HERC1: variants seen among roughly 807,000 people sequenced by gnomAD.
HERC1 encodes HECT and RLD domain containing E3 ubiquitin protein ligase family member 1.
HERC1 carries 160 observed loss-of-function variants against 554.3 expected under a neutral mutation model. That is an observed-to-expected ratio of 0.29 (90% CI 0.25 to 0.33). The LOEUF (loss-of-function observed/expected upper bound fraction) is 0.33. Ranked by LOEUF, HERC1 falls within the 10% of genes least tolerant of loss-of-function variation. HERC1 has a pLI of 1.00. For synonymous variants in HERC1, 2,175 were observed against 2,131.7 expected (o/e 1.02, Z -0.56); for missense variants, 4,919 against 5,918.5 (o/e 0.83, Z 5.54).
Position 63,633,954 on chromosome 15 carries a change from T to C in HERC1, c.12587A>G (p.Asn4196Ser). ...ATCTGCTGACACTGCCAAAGTGTGG[T>C]TTAATCCACAGGCCACCTAAAGAAA... Reference protein sequence around the residue: ...YQIGQVACGLNHTLAVSADGS... With the variant: ...YQIGQVACGLSHTLAVSADGS... The change falls in exon 67 of 78, where the codon AAC becomes AGC. Residue 4196 changes from asparagine (N) to serine (S), a missense_variant. Transcript: ENST00000443617. 6.2e-7 allele frequency: 1 copy of C among 1,613,822 alleles called. No individual in the cohort carries two copies. Among genetic ancestry groups the C allele is most frequent in the Non-Finnish European group, 8.5e-7 (1 of 1,179,806 alleles).
At chr15:63,806,454 A>G (rs2077142615) in intron 1 of HERC1, among the ~76,000 whole-genome samples, 1 of 152,078 alleles carries the variant, frequency 6.6e-6, no homozygotes, top group African/African-American at 2.4e-5. Context: ...GCTTACACAC[A>G]TGTACATTTA....
intron 1 of HERC1, among the ~76,000 whole-genome samples, chr15:63,829,559 GTGTATATATATATATATATATATATATA>G (rs1198407661): frequency 1.1e-5 from 1 of 94,680 alleles, no homozygotes; most frequent in Non-Finnish European, 2.2e-5. Context: ...GTGTGTGTGT[GTGTATATATATATATATATATATATATA>G]TATATATAAT....
chr15:63,689,511 A>G (rs995097223), intron 33 of HERC1, 78 bp downstream of exon 33: 8 of 738,722 alleles, frequency 1.1e-5, no homozygotes, highest in Admixed American at 2.8e-5. Flanking sequence ...GGTGCCTCAG[A>G]GGAACAGGCA....
At chr15:63,613,241 A>C (rs1452837664) in intron 76 of HERC1, among the ~76,000 whole-genome samples, 1 of 152,260 alleles carries the variant, frequency 6.6e-6, no homozygotes, top group Non-Finnish European at 1.5e-5. Context: ...TGAGAACTGT[A>C]TATGAGTAAC....
intron 1 of HERC1, among the ~76,000 whole-genome samples, chr15:63,831,953 T>C (rs1288441179): frequency 6.6e-6 from 1 of 152,206 alleles, no homozygotes; most frequent in Non-Finnish European, 1.5e-5. Flanking sequence ...ACAGCATGAC[T>C]GGAAATTTAA....
chr15:63,624,422 C>T (rs926704901), intron 71 of HERC1, 95 bp from the exon 72 acceptor site: 13 of 1,151,646 alleles, frequency 1.1e-5, no homozygotes, highest in East Asian at 2.4e-5. Flanking sequence ...TTTGGCTGGG[C>T]GCAGTGGCTC....
chr15:63,635,811 G>A (rs2068754917), intron 65 of HERC1, 150 bp downstream of exon 65: 2 of 838,428 alleles, frequency 2.4e-6, no homozygotes, highest in Non-Finnish European at 3.7e-6. Flanking sequence ...ACAAGCTCAA[G>A]AATGAATCTG....
intron 53 of HERC1, among the ~76,000 whole-genome samples, 159 bp downstream of exon 53, chr15:63,651,094 C>T (rs73441952): frequency 2.0e-5 from 3 of 152,344 alleles, no homozygotes; most frequent in African/African-American, 7.2e-5. Context: ...CACTTCCTCT[C>T]TAATTTGAAG....
intron 1 of HERC1, among the ~76,000 whole-genome samples, chr15:63,801,386 C>G (rs2076982039): frequency 1.3e-5 from 2 of 152,180 alleles, no homozygotes; most frequent in Admixed American, 1.3e-4. Flanking sequence ...CTGATGCTAA[C>G]TCTGGATAGT....
chr15:63,674,458 C>G lies in HERC1; in HGVS notation c.7730G>C (p.Arg2577Pro). 6.2e-7 allele frequency: 1 copy of G among 1,613,914 alleles called. No homozygotes were observed. The highest frequency in any genetic ancestry group is 1.3e-5 in the African/African-American group (1 of 75,038). The change falls in exon 38 of 78, where the codon CGG becomes CCG. Residue 2577 changes from arginine to proline, a missense_variant. Around this residue, in one of 11 missense-constraint regions of HERC1, gnomAD observed 1,963 missense variants for 2,228.6 expected, o/e 0.88. Coordinates refer to ENST00000443617, the MANE Select transcript of HERC1 (RefSeq NM_003922.4). The part of the protein sequence containing the change: ...MRHMVKRAVM[R>P]SPIKRALGLA... Reference sequence around the variant, plus strand: ...TCCCAATGCTCTCTTTATGGGTGACCGCATGACTGCTCGCTTCACCATGTG... The same window carrying G: ...TCCCAATGCTCTCTTTATGGGTGACGGCATGACTGCTCGCTTCACCATGTG...
chr15:63,817,411 A>G (rs2077528923), intron 1 of HERC1, among the ~76,000 whole-genome samples: 1 of 152,206 alleles, frequency 6.6e-6, no homozygotes, highest in Admixed American at 6.5e-5. Context: ...TATGTCAAGG[A>G]TTTGATTTAA....
intron 1 of HERC1, among the ~76,000 whole-genome samples, chr15:63,815,149 A>G (rs977823370): frequency 1.3e-5 from 2 of 152,242 alleles, no homozygotes; most frequent in African/African-American, 4.8e-5. Context: ...ACTAGGACGT[A>G]GCCAACTCTC....
At position 63,608,944 on chromosome 15, in the gene HERC1, A is replaced by G. The variant is rs1333692830; in HGVS notation, c.*137T>C. ...CTAATTTCTTTGTTACATTTAGAGTAACTAAATGTGGCCATTGTTTATAAT... is the reference window on the plus strand; with the variant it reads ...CTAATTTCTTTGTTACATTTAGAGTGACTAAATGTGGCCATTGTTTATAAT... On this transcript the variant is annotated 3_prime_UTR_variant, in exon 78 of 78. Coordinates refer to ENST00000443617, the MANE Select transcript of HERC1 (RefSeq NM_003922.4). 3 of 660,824 alleles carry G rather than the reference A, an allele frequency of 4.5e-6. No homozygotes were observed. The highest frequency in any genetic ancestry group is 7.1e-6 in the Non-Finnish European group (3 of 420,404). 40.9% of individuals were successfully genotyped at this position (660,824 alleles called of 1,614,324 possible). A position where few individuals can be genotyped will look rare whatever the true frequency, so the allele number is the denominator to read the frequency against.
chr15:63,672,480 A>G lies in HERC1; in HGVS notation c.8045+16T>C. ...CAGGCATCAGTATGGCAGACATTAA[A>G]GGTCAACTTCTCTACCTGAGAAGAC... is the stretch of plus-strand genomic sequence containing the variant. On this transcript the variant is annotated intron_variant, in intron 39 of 77. Coordinates refer to ENST00000443617, the MANE Select transcript of HERC1 (RefSeq NM_003922.4). 1 of 1,561,768 alleles carries G rather than the reference A, an allele frequency of 6.4e-7. No homozygotes were observed. The highest frequency in any genetic ancestry group is 8.7e-7 in the Non-Finnish European group (1 of 1,150,344).
At chr15:63,688,322 C>A (rs1446425799) in intron 33 of HERC1, among the ~76,000 whole-genome samples, 1 of 152,100 alleles carries the variant, frequency 6.6e-6, no homozygotes, top group Non-Finnish European at 1.5e-5. Flanking sequence ...CACTAGGAGG[C>A]TGGGAAAGCC....
chr15:63,777,917 T>C (rs1337976968), intron 1 of HERC1, among the ~76,000 whole-genome samples: 2 of 152,196 alleles, frequency 1.3e-5, no homozygotes, highest in Non-Finnish European at 2.9e-5. Context: ...ACACTCTATA[T>C]AGGACAAGCT....
chr15:63,744,786 G>A (rs564734929), intron 12 of HERC1, among the ~76,000 whole-genome samples: 2 of 152,242 alleles, frequency 1.3e-5, no homozygotes, highest in African/African-American at 4.8e-5. Flanking sequence ...GTCTAGAAAT[G>A]CCATCTAACA....
intron 34 of HERC1, among the ~76,000 whole-genome samples, chr15:63,683,691 C>T (rs988331849): frequency 6.6e-6 from 1 of 152,168 alleles, no homozygotes; most frequent in Non-Finnish European, 1.5e-5. Flanking sequence ...TTCTGTTACC[C>T]AGGCTGGCAT....
At position 63,764,204 on chromosome 15, in the gene HERC1, C is replaced by T; in HGVS notation, c.931-13G>A. 6.4e-7 allele frequency: 1 copy of T among 1,565,078 alleles called. No homozygotes were observed. On this transcript the variant is annotated splice_polypyrimidine_tract_variant and intron_variant, in intron 2 of 77. Transcript: ENST00000443617. Reference sequence around the variant, plus strand: ...CAGCAGATGAACCCTATAATTAAAACATTGCGGGACACAGCGTAGGAAGGG... The same window carrying T: ...CAGCAGATGAACCCTATAATTAAAATATTGCGGGACACAGCGTAGGAAGGG...
Sources: gnomAD v4.1 joint callset for allele counts (sites outside exome capture counted in the v4.1 genomes callset) on GRCh38, gnomAD v4.1.1 for gene constraint, gnomAD v4.1.1 regional missense constraint, MANE v1.5 for transcripts, NCBI Gene and HGNC (gene_info 2026-07-23, HGNC 2026-07-21) for gene names.